WDR41: variants seen among roughly 807,000 people sequenced by gnomAD.
WDR41 encodes WD repeat-containing protein 41.
In WDR41, 63 loss-of-function variants were observed where a neutral mutation model predicts 69.3. The ratio of observed to expected loss-of-function variants is 0.91; its 90% CI spans 0.74 to 1.12. The LOEUF (loss-of-function observed/expected upper bound fraction) is 1.12, where lower values mean the gene tolerates loss of function less well. Ranked by LOEUF, WDR41 falls within the 50% of genes most tolerant of loss-of-function variation. The pLI is 0.00. For missense variants in WDR41, 543 were observed against 534.5 expected, an observed-to-expected ratio of 1.02 and a Z score of -0.16; for synonymous variants, 185 against 192.1, an observed-to-expected ratio of 0.96 and a Z score of 0.31.
intron 1 of WDR41, among the ~76,000 whole-genome samples, chr5:77,555,803 A>G (rs943759756): frequency 6.6e-6 from 1 of 152,216 alleles, no homozygotes; most frequent in Non-Finnish European, 1.5e-5. Context: ...ATAAAGATGT[A>G]AAGATTCAAT....
intron 1 of WDR41, among the ~76,000 whole-genome samples, chr5:77,565,476 C>T (rs1002911661): frequency 6.6e-6 from 1 of 151,912 alleles, no homozygotes; most frequent in Non-Finnish European, 1.5e-5. Context: ...CTGGGAGCCC[C>T]CTGAATCATT....
chr5:77,440,430 A>C (rs924840032), intron 9 of WDR41, among the ~76,000 whole-genome samples: 3 of 152,198 alleles, frequency 2.0e-5, no homozygotes, highest in Non-Finnish European at 4.4e-5. Context: ...ATGCCAGCAG[A>C]CTGAGAAACA....
At chr5:77,603,342 C>G (rs1478934162) in intron 1 of WDR41, among the ~76,000 whole-genome samples, 1 of 152,078 alleles carries the variant, frequency 6.6e-6, no homozygotes, top group Non-Finnish European at 1.5e-5. Flanking sequence ...TTTTCATATA[C>G]CTGTTGGACA....
chr5:77,482,665 A>G (rs2114951), intron 2 of WDR41, among the ~76,000 whole-genome samples: 10 of 152,120 alleles, frequency 6.6e-5, no homozygotes, highest in Admixed American at 6.5e-4. Flanking sequence ...CCATCCGGAA[A>G]TATAATTTCT....
chr5:77,580,665 TAAA>T (rs1743922095), intron 1 of WDR41, among the ~76,000 whole-genome samples: 2 of 151,788 alleles, frequency 1.3e-5, no homozygotes, highest in African/African-American at 4.8e-5. Context: ...ATATAAAAAA[TAAA>T]AAGTAGGCTG....
At chr5:77,434,508 C>G (rs1489496270) in intron 12 of WDR41, among the ~76,000 whole-genome samples, 2 of 151,910 alleles carry the variant, frequency 1.3e-5, no homozygotes, top group Admixed American at 6.6e-5. Flanking sequence ...AAATGAGGAC[C>G]AGCCTGGCCA....
chr5:77,482,990 A>G (rs1801348600), intron 2 of WDR41, among the ~76,000 whole-genome samples: 3 of 152,138 alleles, frequency 2.0e-5, no homozygotes, highest in Admixed American at 2.0e-4. Flanking sequence ...TACACAAACC[A>G]ACCTCACTAA....
intron 1 of WDR41, among the ~76,000 whole-genome samples, chr5:77,589,040 A>T (rs761381487): frequency 2.0e-5 from 3 of 152,196 alleles, no homozygotes; most frequent in Non-Finnish European, 4.4e-5. Context: ...AAAGGACATT[A>T]TTTAGATATA....
At chr5:77,561,351 T>C (rs1275917877) in intron 1 of WDR41, among the ~76,000 whole-genome samples, 1 of 152,186 alleles carries the variant, frequency 6.6e-6, no homozygotes, top group Non-Finnish European at 1.5e-5. Context: ...TTACTTTGCT[T>C]GGCTATCCAA....
At chr5:77,620,079 T>C (rs1561242401) in intron 1 of WDR41, among the ~76,000 whole-genome samples, 1 of 152,156 alleles carries the variant, frequency 6.6e-6, no homozygotes. Flanking sequence ...AATACCCGTG[T>C]TCCCACCTAC....
chr5:77,512,928 G>A (rs898274934), intron 1 of WDR41, among the ~76,000 whole-genome samples: 1 of 151,988 alleles, frequency 6.6e-6, no homozygotes, highest in Non-Finnish European at 1.5e-5. Flanking sequence ...ATTCAAAGAT[G>A]CCTTTTCTCT....
intron 2 of WDR41, 92 bp from the exon 3 acceptor site, chr5:77,464,901 G>T: frequency 1.6e-6 from 2 of 1,269,254 alleles, no homozygotes; most frequent in South Asian, 2.6e-5. Flanking sequence ...GTGGTATTTT[G>T]ACTAATATTA....
At chr5:77,539,013 C>T (rs1406264784) in intron 1 of WDR41, among the ~76,000 whole-genome samples, 1 of 152,106 alleles carries the variant, frequency 6.6e-6, no homozygotes, top group Non-Finnish European at 1.5e-5. Context: ...AGGTACCAGC[C>T]TGGTAGGGGC....
intron 1 of WDR41, among the ~76,000 whole-genome samples, chr5:77,577,531 A>G (rs572591482): frequency 6.6e-6 from 1 of 152,310 alleles, no homozygotes; most frequent in Admixed American, 6.5e-5. Flanking sequence ...GGATGGAGGG[A>G]ATAGAAATTC....
At chr5:77,532,658 A>T (rs1022268371) in intron 1 of WDR41, among the ~76,000 whole-genome samples, 1 of 152,124 alleles carries the variant, frequency 6.6e-6, no homozygotes, top group African/African-American at 2.4e-5. Flanking sequence ...AGTACACAAC[A>T]TGGTTGAATC....
chr5:77,529,901 C>T (rs1371527403), intron 1 of WDR41, among the ~76,000 whole-genome samples: 2 of 151,484 alleles, frequency 1.3e-5, no homozygotes, highest in Non-Finnish European at 3.0e-5. Context: ...GCACAAAAAA[C>T]AAAACAAATA....
intron 1 of WDR41, among the ~76,000 whole-genome samples, chr5:77,530,295 A>G (rs527624995): frequency 1.4e-4 from 21 of 151,784 alleles, no homozygotes; most frequent in African/African-American, 5.1e-4. Flanking sequence ...AAATGAAAAC[A>G]TATATCCAGA....
chr5:77,547,634 GC>G (rs140168770), intron 1 of WDR41, among the ~76,000 whole-genome samples: 16,510 of 151,912 alleles, frequency 0.11, 1,981 homozygotes, highest in African/African-American at 0.27. Flanking sequence ...AAACATAGAT[GC>G]CACAAACAAA....
intron 2 of WDR41, among the ~76,000 whole-genome samples, chr5:77,470,700 A>T (rs1311827085): frequency 1.3e-5 from 2 of 152,212 alleles, no homozygotes; most frequent in Non-Finnish European, 2.9e-5. Flanking sequence ...ACATCATGGT[A>T]AAGGGATCAA....
Sources: gnomAD v4.1 joint callset for allele counts (sites outside exome capture counted in the v4.1 genomes callset) on GRCh38, gnomAD v4.1.1 for gene constraint, MANE v1.5 for transcripts, NCBI Gene and HGNC (gene_info 2026-07-23, HGNC 2026-07-21) for gene names.